The following GHR variants were observed in gnomAD, a reference collection of about 807,000 sequenced individuals.
GHR encodes the protein GH receptor.
GHR carries 35 observed loss-of-function variants against 67.1 expected under a neutral mutation model. The observed-to-expected ratio is 0.52, with a 90% CI of 0.40 to 0.69. GHR has a LOEUF of 0.69. GHR is among the 30% of genes least tolerant of loss of function. The probability of loss-of-function intolerance (pLI) is 0.00; values close to 1 mark genes in which losing one functional copy is unlikely to be tolerated. For missense variants in GHR, 792 were observed against 764.6 expected, an observed-to-expected ratio of 1.04 and a Z score of -0.42; for synonymous variants, 272 against 269.1, an observed-to-expected ratio of 1.01 and a Z score of -0.10.
At chr5:42,643,949 A>G (rs1754604858) in intron 3 of GHR, among the ~76,000 whole-genome samples, 1 of 152,172 alleles carries the variant, frequency 6.6e-6, no homozygotes, top group Admixed American at 6.6e-5. Context: ...GAATTTTTGC[A>G]TGAATTGCAT....
chr5:42,690,500 A>T (rs1228475430), intron 4 of GHR, among the ~76,000 whole-genome samples: 4 of 152,210 alleles, frequency 2.6e-5, no homozygotes, highest in African/African-American at 9.6e-5. Flanking sequence ...TGATAATTTT[A>T]AAATAATTAT....
intron 1 of GHR, among the ~76,000 whole-genome samples, chr5:42,470,398 A>G (rs1561322785): frequency 6.6e-6 from 1 of 152,002 alleles, no homozygotes; most frequent in Non-Finnish European, 1.5e-5. Flanking sequence ...TTCATCTAAT[A>G]CACCTGAAGA....
chr5:42,657,898 A>G (rs1418533910), intron 3 of GHR, among the ~76,000 whole-genome samples: 1 of 152,188 alleles, frequency 6.6e-6, no homozygotes, highest in Non-Finnish European at 1.5e-5. Flanking sequence ...TCTTCTGAGT[A>G]GGTGGTCCTA....
At chr5:42,600,867 G>C (rs1580026399) in intron 2 of GHR, among the ~76,000 whole-genome samples, 1 of 143,646 alleles carries the variant, frequency 7.0e-6, no homozygotes, top group Non-Finnish European at 1.5e-5. Context: ...GTTTTAGATT[G>C]TCAAACTGTT....
intron 3 of GHR, among the ~76,000 whole-genome samples, chr5:42,638,211 G>T (rs1182197913): frequency 6.6e-6 from 1 of 151,652 alleles, no homozygotes. Flanking sequence ...ATACTATACT[G>T]CCCCCTCAGT....
chr5:42,565,103 C>A (rs1056417550), intron 1 of GHR, among the ~76,000 whole-genome samples: 1 of 152,122 alleles, frequency 6.6e-6, no homozygotes, highest in African/African-American at 2.4e-5. Context: ...GATCTACTCT[C>A]TCCGTTAGAC....
At chr5:42,559,628 C>T (rs1449330844) in intron 1 of GHR, among the ~76,000 whole-genome samples, 1 of 152,174 alleles carries the variant, frequency 6.6e-6, no homozygotes, top group East Asian at 1.9e-4. Context: ...TCCCAAAAGT[C>T]TTTTCCCCCC....
chr5:42,664,149 G>A (rs1022022935), intron 3 of GHR, among the ~76,000 whole-genome samples: 2 of 152,166 alleles, frequency 1.3e-5, no homozygotes, highest in Non-Finnish European at 2.9e-5. Flanking sequence ...AATCAATATT[G>A]TGAAAATGGC....
chr5:42,562,153 G>C (rs1350655754), intron 1 of GHR, among the ~76,000 whole-genome samples: 1 of 152,192 alleles, frequency 6.6e-6, no homozygotes, highest in African/African-American at 2.4e-5. Flanking sequence ...GAATCTAATA[G>C]AGAAGGATTC....
At chr5:42,431,147 A>G (rs1438058077) in intron 1 of GHR, among the ~76,000 whole-genome samples, 1 of 152,166 alleles carries the variant, frequency 6.6e-6, no homozygotes, top group Non-Finnish European at 1.5e-5. Flanking sequence ...GCATCAAAAA[A>G]TGTTTGCCTA....
intron 6 of GHR, among the ~76,000 whole-genome samples, chr5:42,706,460 T>C (rs1182668294): frequency 6.6e-6 from 1 of 152,192 alleles, no homozygotes; most frequent in Non-Finnish European, 1.5e-5. Context: ...ATGAAACCTT[T>C]GCTAAGGCCT....
intron 1 of GHR, among the ~76,000 whole-genome samples, chr5:42,474,253 C>CAGAAAGAAAGAAAGAAAGAAAGAAAGAA (rs756789779): frequency 2.0e-5 from 1 of 50,640 alleles, no homozygotes; most frequent in Non-Finnish European, 3.9e-5. Context: ...GAGAGAAAGA[C>CAGAAAGAAAGAAAGAAAGAAAGAAAGAA]AGACAGAAAG....
At chr5:42,688,756 C>A in intron 3 of GHR, 134 bp from the exon 4 acceptor site, 1 of 854,952 alleles carries the variant, frequency 1.2e-6, no homozygotes, top group Non-Finnish European at 2.0e-6. Context: ...TGGAAGACAT[C>A]GGCATTACCT....
intron 3 of GHR, among the ~76,000 whole-genome samples, chr5:42,679,007 ACATATTAATT>A (rs1756705285): frequency 6.8e-6 from 1 of 146,776 alleles, no homozygotes; most frequent in African/African-American, 2.5e-5. Context: ...TGAATTAATA[ACATATTAATT>A]CATATTAACT....
At chr5:42,463,317 A>G (rs1744566399) in intron 1 of GHR, among the ~76,000 whole-genome samples, 1 of 152,238 alleles carries the variant, frequency 6.6e-6, no homozygotes, top group African/African-American at 2.4e-5. Flanking sequence ...GACTTCAGGG[A>G]AAATGTTTTT....
chr5:42,551,345 G>C (rs1749022916), intron 1 of GHR, among the ~76,000 whole-genome samples: 1 of 152,216 alleles, frequency 6.6e-6, no homozygotes, highest in South Asian at 2.1e-4. Context: ...AGTTGCGGTG[G>C]GGAGTCTGGA....
chr5:42,680,912 T>A (rs1225271784), intron 3 of GHR, among the ~76,000 whole-genome samples: 1 of 152,134 alleles, frequency 6.6e-6, no homozygotes. Flanking sequence ...ATTTGTTACA[T>A]AGGCATACAT....
intron 3 of GHR, among the ~76,000 whole-genome samples, chr5:42,657,434 C>CA (rs1197680959): frequency 1.3e-5 from 2 of 152,074 alleles, no homozygotes; most frequent in Admixed American, 6.6e-5. Flanking sequence ...TCTAAGTGGC[C>CA]ATCTATCCTT....
chr5:42,537,911 T>C (rs1451049404), intron 1 of GHR, among the ~76,000 whole-genome samples: 1 of 152,170 alleles, frequency 6.6e-6, no homozygotes, highest in East Asian at 1.9e-4. Flanking sequence ...TTATATAGTG[T>C]CCCTGTTTGT....
Sources: allele counts gnomAD v4.1 joint callset (sites outside exome capture counted in the v4.1 genomes callset), GRCh38; gene constraint gnomAD v4.1.1; transcripts MANE v1.5; gene names NCBI Gene and HGNC (gene_info 2026-07-23, HGNC 2026-07-21).